Variants in AFF2 observed in about 807,000 individuals in gnomAD.
AFF2 encodes the protein ALF transcription elongation factor 2.
AFF2 carries 14 observed loss-of-function variants against 76.9 expected under a neutral mutation model. The observed-to-expected ratio is 0.18, with a 90% CI of 0.12 to 0.28. The LOEUF (loss-of-function observed/expected upper bound fraction) is 0.28, where lower values mean the gene tolerates loss of function less well. AFF2 is among the 10% of genes least tolerant of loss of function. AFF2 has a pLI of 1.00. For synonymous variants in AFF2, 398 were observed against 366.7 expected (o/e 1.09, Z -0.98); for missense variants, 868 against 1,001.1 (o/e 0.87, Z 1.79).
chrX:148,934,324 T>G (rs936816017), intron 9 of AFF2, among the ~76,000 whole-genome samples: 10 of 112,319 alleles, frequency 8.9e-5, no homozygotes. Flanking sequence ...TCATGTGACC[T>G]TTACTTCCGT....
intron 1 of AFF2, among the ~76,000 whole-genome samples, chrX:148,573,937 A>T (rs1306569085): frequency 9.0e-6 from 1 of 111,181 alleles, no homozygotes; most frequent in Non-Finnish European, 1.9e-5. Context: ...CAAATTAAAA[A>T]TCTTGGAGCT....
chrX:148,617,792 C>T (rs1350859470), intron 1 of AFF2, among the ~76,000 whole-genome samples: 1 of 112,072 alleles, frequency 8.9e-6, no homozygotes, highest in Non-Finnish European at 1.9e-5. Flanking sequence ...TCCTCAAGAT[C>T]GTGTAATATT....
chrX:148,890,640 G>T (rs782423350), intron 8 of AFF2, among the ~76,000 whole-genome samples: 1 of 112,338 alleles, frequency 8.9e-6, no homozygotes, highest in Non-Finnish European at 1.9e-5. Flanking sequence ...GGTTGCCAAT[G>T]ATCTGCACCA....
At chrX:148,659,011 C>T (rs2054279653) in intron 2 of AFF2, among the ~76,000 whole-genome samples, 1 of 111,615 alleles carries the variant, frequency 9.0e-6, no homozygotes, top group Non-Finnish European at 1.9e-5. Flanking sequence ...TTTAAGAACT[C>T]ATGGTTTTAT....
chrX:148,909,529 A>G (rs2071446769), intron 9 of AFF2, among the ~76,000 whole-genome samples: 1 of 111,898 alleles, frequency 8.9e-6, no homozygotes, highest in African/African-American at 3.3e-5. Flanking sequence ...TTTCATTGCC[A>G]TAGGGAGACT....
At chrX:148,984,387 G>T (rs782684332) in intron 19 of AFF2, among the ~76,000 whole-genome samples, 1 of 111,334 alleles carries the variant, frequency 9.0e-6, no homozygotes, top group African/African-American at 3.3e-5. Flanking sequence ...GTGGAAAAAA[G>T]GGTGAGATCT....
At chrX:148,897,221 CTATATA>C (rs1171086215) in intron 8 of AFF2, among the ~76,000 whole-genome samples, 20 of 23,432 alleles carry the variant, frequency 8.5e-4, no homozygotes, top group South Asian at 3.6e-3. Context: ...CCTTAGTCCA[CTATATA>C]TATATATATA....
rs955802455 is a variant in AFF2, at chrX:148,994,847, G to A, written c.*3515G>A. The A allele has an allele frequency of 8.9e-6, 1 of 112,157 alleles. No individual in the cohort carries two copies. The highest frequency in any genetic ancestry group is 1.9e-5 in the Non-Finnish European group (1 of 53,192). 9.2% of individuals were successfully genotyped at this position (112,157 alleles called of 1,213,427 possible). A position where few individuals can be genotyped will look rare whatever the true frequency, so the allele number is the denominator to read the frequency against. On this transcript the variant is annotated 3_prime_UTR_variant, in exon 21 of 21. Coordinates refer to ENST00000370460, the MANE Select transcript of AFF2 (RefSeq NM_002025.4). ...AAGGCAGAATCAGTTGAGTTGTGAGGGTGAAGCCTCACATACTTCTCAACA... is the reference window on the plus strand; with the variant it reads ...AAGGCAGAATCAGTTGAGTTGTGAGAGTGAAGCCTCACATACTTCTCAACA...
intron 19 of AFF2, among the ~76,000 whole-genome samples, chrX:148,984,501 C>T (rs1355045196): frequency 8.9e-6 from 1 of 111,736 alleles, no homozygotes; most frequent in East Asian, 2.8e-4. Flanking sequence ...TGCATCAGCC[C>T]TCTCTTAGCC....
rs1324345013 is a variant in AFF2 at position 148,993,390 on chromosome X, C to G, written c.*2058C>G. Reference sequence around the variant, plus strand: ...GTTGGTGTCACATATAAAAATTAAGCTGATGACTTTGCAGTGACTCAAGTT... The same window carrying G: ...GTTGGTGTCACATATAAAAATTAAGGTGATGACTTTGCAGTGACTCAAGTT... On this transcript the variant is annotated 3_prime_UTR_variant, in exon 21 of 21. Transcript: ENST00000370460. 8.9e-6 allele frequency: 1 copy of G among 112,214 alleles called. No individual in the cohort carries two copies. Among genetic ancestry groups the G allele is most frequent in the Non-Finnish European group, 1.9e-5 (1 of 53,274 alleles). The allele number at this position is 112,214 out of a possible 1,213,427, so 9.2% of individuals were successfully genotyped here.
intron 3 of AFF2, among the ~76,000 whole-genome samples, chrX:148,713,880 T>G (rs1557263119): frequency 8.9e-6 from 1 of 111,776 alleles, no homozygotes. Context: ...GGTAAATGAG[T>G]TAATCTTAGT....
At chrX:148,596,822 T>A (rs1003073940) in intron 1 of AFF2, among the ~76,000 whole-genome samples, 2 of 112,564 alleles carry the variant, frequency 1.8e-5, no homozygotes, top group Non-Finnish European at 3.8e-5. Flanking sequence ...CCTTTTGTAT[T>A]GCTCTAGGAT....
chrX:148,581,148 T>C (rs868916261), intron 1 of AFF2, among the ~76,000 whole-genome samples: 2 of 71,249 alleles, frequency 2.8e-5, no homozygotes, highest in Admixed American at 1.9e-4. Flanking sequence ...TACACACATA[T>C]ACATATACGT....
intron 9 of AFF2, among the ~76,000 whole-genome samples, chrX:148,925,975 A>T (rs1227069335): frequency 8.9e-6 from 1 of 111,942 alleles, no homozygotes; most frequent in Non-Finnish European, 1.9e-5. Context: ...TCTAAAATGA[A>T]ATAATGCTTC....
intron 3 of AFF2, among the ~76,000 whole-genome samples, chrX:148,737,000 C>A (rs1557265142): frequency 9.0e-6 from 1 of 111,731 alleles, no homozygotes; most frequent in East Asian, 2.8e-4. Flanking sequence ...CAGTACCACA[C>A]TGTTTTGGTG....
intron 1 of AFF2, among the ~76,000 whole-genome samples, chrX:148,515,602 A>T (rs1358935791): frequency 8.9e-6 from 1 of 112,203 alleles, no homozygotes; most frequent in Non-Finnish European, 1.9e-5. Flanking sequence ...ATAGAGTTGT[A>T]AAAATCATAA....
At chrX:148,777,453 G>A (rs1029476575) in intron 3 of AFF2, among the ~76,000 whole-genome samples, 4 of 111,887 alleles carry the variant, frequency 3.6e-5, no homozygotes, top group Admixed American at 9.5e-5. Context: ...GGGCAGTATG[G>A]CCATTTTCAG....
intron 1 of AFF2, chrX:148,547,189 A>T (rs1056659152): frequency 9.7e-6 from 1 of 102,771 alleles, no homozygotes; most frequent in Non-Finnish European, 2.0e-5. Context: ...CATGACGGGA[A>T]TTCAAAGAAA....
chrX:148,937,818 C>A (rs1418256712), intron 9 of AFF2, among the ~76,000 whole-genome samples: 1 of 112,114 alleles, frequency 8.9e-6, no homozygotes, highest in African/African-American at 3.2e-5. Context: ...TTAGTTATGT[C>A]TTTCATAATT....
Sources: allele counts gnomAD v4.1 joint callset (sites outside exome capture counted in the v4.1 genomes callset), GRCh38; gene constraint gnomAD v4.1.1; transcripts MANE v1.5; gene names NCBI Gene and HGNC (gene_info 2026-07-23, HGNC 2026-07-21).